PHF24: variants seen among roughly 807,000 people sequenced by gnomAD.
The protein encoded by PHF24 is PHD finger protein 24, also known as Galpha inhibitory interacting protein.
Under a neutral mutation model 42.6 loss-of-function variants are expected in PHF24, and 25 were observed. The ratio of observed to expected loss-of-function variants is 0.59; its 90% CI spans 0.43 to 0.82. The LOEUF (loss-of-function observed/expected upper bound fraction) is 0.82, where lower values mean the gene tolerates loss of function less well. Among genes scored for constraint, PHF24 ranks in the 40% least tolerant of loss-of-function variants. The pLI, the probability that PHF24 is intolerant of heterozygous loss-of-function variation, is 0.00. For synonymous variants in PHF24, 185 were observed against 204.8 expected (o/e 0.90, Z 0.83); for missense variants, 470 against 538.1 (o/e 0.87, Z 1.25).
the PHF24 span, among the ~76,000 whole-genome samples, chr9:34,843,837 G>A: frequency 6.6e-6 from 1 of 151,934 alleles, no homozygotes; most frequent in Non-Finnish European, 1.5e-5. Flanking sequence ...CTCTGAAAAT[G>A]TTGGGATTAC....
At chr9:34,937,726 C>T in the PHF24 span, among the ~76,000 whole-genome samples, 9 of 151,858 alleles carry the variant, frequency 5.9e-5, no homozygotes, top group South Asian at 2.1e-4. Flanking sequence ...TGGTTTTCAC[C>T]TACTGGAGGC....
the PHF24 span, among the ~76,000 whole-genome samples, chr9:34,755,509 G>A: frequency 2.0e-5 from 3 of 151,716 alleles, no homozygotes; most frequent in East Asian, 1.9e-4. Flanking sequence ...TTGTATATTT[G>A]TTGTATATTT....
intron 1 of PHF24, among the ~76,000 whole-genome samples, chr9:34,960,100 T>G (rs1363139131): frequency 6.6e-6 from 1 of 152,294 alleles, no homozygotes; most frequent in Admixed American, 6.5e-5. Flanking sequence ...CCCCTCGTTG[T>G]TTTCATTCTA....
the PHF24 span, among the ~76,000 whole-genome samples, chr9:34,883,488 A>C: frequency 6.6e-6 from 1 of 152,258 alleles, no homozygotes; most frequent in Non-Finnish European, 1.5e-5. Context: ...TAATATCCAG[A>C]ATCTACAATG....
chr9:34,970,775 T>C (rs1826945028), intron 1 of PHF24, among the ~76,000 whole-genome samples: 1 of 152,204 alleles, frequency 6.6e-6, no homozygotes, highest in African/African-American at 2.4e-5. Context: ...CTGGACTAAA[T>C]TGGTTTTAGG....
chr9:34,790,265 A>G, the PHF24 span, among the ~76,000 whole-genome samples: 2 of 152,236 alleles, frequency 1.3e-5, no homozygotes, highest in Non-Finnish European at 2.9e-5. Context: ...ACAGGCAGTT[A>G]TTAGGCAGAT....
the PHF24 span, chr9:34,725,742 A>C: frequency 3.2e-6 from 5 of 1,548,960 alleles, no homozygotes; most frequent in Non-Finnish European, 4.4e-6. Context: ...TCAGATGGAG[A>C]CATCCAGTTT....
the PHF24 span, among the ~76,000 whole-genome samples, chr9:34,951,554 A>C: frequency 6.6e-6 from 1 of 152,232 alleles, no homozygotes; most frequent in Non-Finnish European, 1.5e-5. Context: ...CAAATAATAC[A>C]GGTGGCCTCT....
the PHF24 span, among the ~76,000 whole-genome samples, chr9:34,861,079 G>A: frequency 6.6e-6 from 1 of 152,174 alleles, no homozygotes; most frequent in East Asian, 1.9e-4. Flanking sequence ...AAGGTTACCT[G>A]AGAGAAGGCA....
At chr9:34,821,774 C>G in the PHF24 span, among the ~76,000 whole-genome samples, 31 of 152,278 alleles carry the variant, frequency 2.0e-4, no homozygotes, top group African/African-American at 7.0e-4. Flanking sequence ...CCTTCCTAGT[C>G]TTATCTCTCA....
At chr9:34,886,960 A>G in the PHF24 span, among the ~76,000 whole-genome samples, 1 of 152,120 alleles carries the variant, frequency 6.6e-6, no homozygotes, top group Non-Finnish European at 1.5e-5. Flanking sequence ...AGCAACATAT[A>G]CATCTCAAAC....
chr9:34,850,401 T>C, the PHF24 span, among the ~76,000 whole-genome samples: 1 of 152,266 alleles, frequency 6.6e-6, no homozygotes, highest in East Asian at 1.9e-4. Flanking sequence ...CATCGGCTTC[T>C]GAGGCTTCTG....
At chr9:34,721,631 G>A in the PHF24 span, among the ~76,000 whole-genome samples, 2 of 152,178 alleles carry the variant, frequency 1.3e-5, no homozygotes, top group East Asian at 1.9e-4. Flanking sequence ...GGCTGGTCTC[G>A]AACTCTTGAC....
chr9:34,796,990 A>G, the PHF24 span, among the ~76,000 whole-genome samples: 1 of 152,266 alleles, frequency 6.6e-6, no homozygotes, highest in Non-Finnish European at 1.5e-5. Flanking sequence ...GCAACAGAAT[A>G]AACTCAGCAA....
At chr9:34,833,224 G>A in the PHF24 span, 2 of 1,546,538 alleles carry the variant, frequency 1.3e-6, no homozygotes, top group East Asian at 2.4e-5. Context: ...GAGGCTCAGG[G>A]CCACAGGGTT....
the PHF24 span, among the ~76,000 whole-genome samples, chr9:34,944,512 C>A: frequency 1.3e-5 from 2 of 152,218 alleles, no homozygotes; most frequent in South Asian, 2.1e-4. Context: ...AGAAGGGACT[C>A]TGCAACATCT....
the PHF24 span, among the ~76,000 whole-genome samples, chr9:34,943,595 C>T: frequency 0.021 from 3,246 of 152,232 alleles, 49 homozygotes; most frequent in African/African-American, 0.028. Flanking sequence ...GGTATTTTCC[C>T]TTCCTTGGTT....
the PHF24 span, chr9:34,709,220 G>A: frequency 2.5e-6 from 2 of 799,384 alleles, no homozygotes; most frequent in African/African-American, 3.5e-5. Context: ...GCCATGCAGG[G>A]TAGAGCTGGG....
chr9:34,970,499 T>G (rs1467350726), intron 1 of PHF24, among the ~76,000 whole-genome samples: 1 of 152,156 alleles, frequency 6.6e-6, no homozygotes, highest in Admixed American at 6.5e-5. Flanking sequence ...CTTGACCACA[T>G]GGATACGGGT....
Sources: allele counts gnomAD v4.1 joint callset (sites outside exome capture counted in the v4.1 genomes callset), GRCh38; gene constraint gnomAD v4.1.1; transcripts MANE v1.5; gene names NCBI Gene and HGNC (gene_info 2026-07-23, HGNC 2026-07-21).